The following LPIN2 variants were observed in gnomAD, a reference collection of about 807,000 sequenced individuals.
LPIN2 encodes the protein lipin 2.
Under a neutral mutation model 111.4 loss-of-function variants are expected in LPIN2, and 55 were observed. That is an observed-to-expected ratio of 0.49 (90% confidence interval 0.40 to 0.62). The LOEUF (loss-of-function observed/expected upper bound fraction) is 0.62, where lower values mean the gene tolerates loss of function less well. Ranked by LOEUF, LPIN2 falls within the 20% of genes least tolerant of loss-of-function variation. LPIN2 has a pLI of 0.00. For missense variants in LPIN2, 992 were observed against 1,112.1 expected (o/e 0.89, Z 1.54); for synonymous variants, 425 against 414.0 (o/e 1.03, Z -0.32).
intron 8 of LPIN2, among the ~76,000 whole-genome samples, chr18:2,932,716 G>C (rs2077228205): frequency 6.6e-6 from 1 of 152,208 alleles, no homozygotes; most frequent in Admixed American, 6.5e-5. Context: ...TGGACGGAAG[G>C]CATACATGGT....
At chr18:2,920,957 A>T in intron 18 of LPIN2, 76 bp from the exon 19 acceptor site, 1 of 965,952 alleles carries the variant, frequency 1.0e-6, no homozygotes, top group Non-Finnish European at 1.7e-6. Context: ...CTTGTGAGCC[A>T]GAAGCACTGC....
intron 1 of LPIN2, among the ~76,000 whole-genome samples, chr18:2,975,749 TTG>T (rs1191630161): frequency 6.6e-6 from 1 of 152,232 alleles, no homozygotes; most frequent in African/African-American, 2.4e-5. Flanking sequence ...GTGGCGACTA[TTG>T]ATAACCATAA....
intron 2 of LPIN2, among the ~76,000 whole-genome samples, chr18:2,957,910 G>A (rs981831840): frequency 1.3e-5 from 2 of 151,684 alleles, no homozygotes; most frequent in African/African-American, 4.8e-5. Context: ...CAGCACTTTG[G>A]GAGGCCAAGG....
chr18:3,000,026 TTTTG>T (rs1367091753), intron 1 of LPIN2, among the ~76,000 whole-genome samples: 22 of 21,314 alleles, frequency 1.0e-3, no homozygotes, highest in African/African-American at 1.4e-3. Flanking sequence ...CCTATCTCTG[TTTTG>T]TTTTTTTTTT....
intron 1 of LPIN2, among the ~76,000 whole-genome samples, chr18:2,987,300 GC>G (rs2078200935): frequency 6.6e-6 from 1 of 152,200 alleles, no homozygotes; most frequent in Admixed American, 6.5e-5. Flanking sequence ...AAGTGAAGGT[GC>G]TGGAAGAAGC....
In LPIN2 at chr18:2,934,356, A is replaced by G. The variant is rs1311476061; in HGVS notation, c.1263T>C (p.Pro421=). ...LEPEVAALYF[P]KSESEPGSRQ... ...ATAAATAAGGACCACTCTACCTTTTAGGGAAATAAAGAGCTGCAACTTCAG... is the reference window on the plus strand; with the variant it reads ...ATAAATAAGGACCACTCTACCTTTTGGGGAAATAAAGAGCTGCAACTTCAG... Residue 421 remains proline, a synonymous_variant, in exon 8 of 20, where the codon CCT becomes CCC. Transcript: ENST00000677752. The G allele has an allele frequency of 6.2e-7, 1 of 1,605,488 alleles. No homozygotes were observed. Among genetic ancestry groups the G allele is most frequent in the South Asian group, 1.1e-5 (1 of 90,824 alleles).
rs1444975152 is a variant in LPIN2, at chr18:2,945,524, T to C, written c.591-4812A>G. ...GTATTAAAAATTCTGAAATACGTAATAGCCTTCCTCCCATCTCCCACTCAA... is the reference window on the plus strand; with the variant it reads ...GTATTAAAAATTCTGAAATACGTAACAGCCTTCCTCCCATCTCCCACTCAA... On this transcript the variant is annotated intron_variant, in intron 4 of 19. Coordinates refer to ENST00000677752, the MANE Select transcript of LPIN2 (RefSeq NM_001375808.2). 70 of 1,150,386 alleles carry C rather than the reference T, an allele frequency of 6.1e-5. 1 individual carries two copies. In the East Asian group the frequency reaches 1.5e-3, roughly 25 times the overall value. The allele number at this position is 1,150,386 out of a possible 1,614,324, so 71.3% of individuals were successfully genotyped here. A position where few individuals can be genotyped will look rare whatever the true frequency, so the allele number is the denominator to read the frequency against.
intron 4 of LPIN2, chr18:2,945,933 A>T (rs2077444923): frequency 7.1e-7 from 1 of 1,410,962 alleles, no homozygotes; most frequent in Non-Finnish European, 1.0e-6. Context: ...CTAAGAATGT[A>T]TTAAAATCAG....
chr18:2,920,728 C>G, intron 19 of LPIN2, 50 bp downstream of exon 19: 1 of 1,397,542 alleles, frequency 7.2e-7, no homozygotes, highest in Non-Finnish European at 1.0e-6. Context: ...CTGTCCCCAA[C>G]TGTACCCCTG....
At chr18:2,990,892 C>T in intron 1 of LPIN2, 3 of 538,136 alleles carry the variant, frequency 5.6e-6, no homozygotes, top group Non-Finnish European at 1.1e-5. Flanking sequence ...CTGGGTCCTC[C>T]TCATCCTGGT....
intron 1 of LPIN2, among the ~76,000 whole-genome samples, chr18:2,997,077 A>C (rs1376176410): frequency 1.3e-5 from 2 of 150,894 alleles, no homozygotes; most frequent in African/African-American, 2.4e-5. Context: ...CACCTCCCGG[A>C]TTCAAGCAAT....
rs775863602 is a variant in LPIN2, at chr18:2,951,305, A to G, written c.340T>C (p.Phe114Leu). Reference protein sequence around the residue: ...ATSPIPTEDQFFKDIDTPLVK... With the variant: ...ATSPIPTEDQLFKDIDTPLVK... ...AAAGGGGTGTCAATATCTTTAAAGA[A>G]CTGATCTTCAGTAGGAATTGGTGAG... Residue 114 changes from phenylalanine to leucine, a missense_variant, in exon 4 of 20, where the codon TTC (phenylalanine) becomes CTC (leucine). Phe to Leu is a conservative substitution (Grantham distance 22, BLOSUM62 0). Transcript: ENST00000677752. 1.9e-6 allele frequency: 3 copies of G among 1,614,140 alleles called. No homozygotes were observed. In the South Asian group the frequency reaches 3.3e-5, roughly 18 times the overall value.
At chr18:3,007,194 G>A (rs761481842) in intron 1 of LPIN2, among the ~76,000 whole-genome samples, 3 of 151,848 alleles carry the variant, frequency 2.0e-5, no homozygotes, top group Admixed American at 6.6e-5. Context: ...TTTTTGAGAT[G>A]GAGTCTTGCT....
intron 1 of LPIN2, among the ~76,000 whole-genome samples, chr18:2,963,913 C>T (rs1013357778): frequency 6.6e-6 from 1 of 151,812 alleles, no homozygotes; most frequent in Non-Finnish European, 1.5e-5. Flanking sequence ...TTTGAAAGCT[C>T]GTAACATCCC....
chr18:2,974,291 G>C (rs548548337), intron 1 of LPIN2, among the ~76,000 whole-genome samples: 2 of 152,206 alleles, frequency 1.3e-5, no homozygotes, highest in Admixed American at 6.5e-5. Context: ...TGTTAGCCAG[G>C]ATGGTCTCGA....
chr18:2,916,995 TCA>T (rs1273814912), downstream of LPIN2: 1 of 152,254 alleles, frequency 6.6e-6, no homozygotes, highest in Non-Finnish European at 1.5e-5. Flanking sequence ...CCAAATGCAT[TCA>T]GTTTATGTTA....
At chr18:2,958,228 T>C (rs1357638314) in intron 2 of LPIN2, among the ~76,000 whole-genome samples, 4 of 145,806 alleles carry the variant, frequency 2.7e-5, no homozygotes, top group Non-Finnish European at 6.0e-5. Context: ...CTTTTTCTGA[T>C]ATCAATAAAT....
At chr18:2,983,088 A>AG (rs1430664016) in intron 1 of LPIN2, among the ~76,000 whole-genome samples, 1 of 152,224 alleles carries the variant, frequency 6.6e-6, no homozygotes, top group Non-Finnish European at 1.5e-5. Flanking sequence ...CACACAGGAC[A>AG]GGGATTGAGT....
chr18:2,955,675 G>A (rs2143149263), intron 2 of LPIN2, among the ~76,000 whole-genome samples: 2 of 152,232 alleles, frequency 1.3e-5, no homozygotes, highest in South Asian at 4.1e-4. Context: ...CAGTACTTTG[G>A]GAGACCAAGG....
Sources: gnomAD v4.1 joint callset for allele counts (sites outside exome capture counted in the v4.1 genomes callset) on GRCh38, gnomAD v4.1.1 for gene constraint, MANE v1.5 for transcripts, NCBI Gene and HGNC (gene_info 2026-07-23, HGNC 2026-07-21) for gene names.